PCDH15: variants seen among roughly 807,000 people sequenced by gnomAD.
PCDH15 encodes protocadherin-15.
PCDH15 carries 129 observed loss-of-function variants against 178.5 expected under a neutral mutation model. The ratio of observed to expected loss-of-function variants is 0.72; its 90% CI spans 0.63 to 0.84. PCDH15 has a LOEUF of 0.84. Among genes scored for constraint, PCDH15 ranks in the 40% least tolerant of loss-of-function variants. The probability of loss-of-function intolerance (pLI) is 0.00; values close to 1 mark genes in which losing one functional copy is unlikely to be tolerated. For synonymous variants in PCDH15, 800 were observed against 732.0 expected, an observed-to-expected ratio of 1.09 and a Z score of -1.50; for missense variants, 2,230 against 2,099.9, an observed-to-expected ratio of 1.06 and a Z score of -1.21.
chr10:55,493,463 G>A (rs943173163), intron 2 of PCDH15, among the ~76,000 whole-genome samples: 1 of 151,374 alleles, frequency 6.6e-6, no homozygotes, highest in African/African-American at 2.4e-5. Flanking sequence ...AATTGATTGA[G>A]CCCAGGAGGT....
At chr10:54,418,027 G>A (rs1285626905) in intron 3 of PCDH15, among the ~76,000 whole-genome samples, 2 of 152,154 alleles carry the variant, frequency 1.3e-5, no homozygotes, top group Non-Finnish European at 2.9e-5. Flanking sequence ...ATCTGGTTTA[G>A]CATTCTGAGT....
At chr10:54,761,683 AAAAACAAAACAAAACAAAAC>A (rs71014416) in intron 1 of PCDH15, among the ~76,000 whole-genome samples, 16 of 150,058 alleles carry the variant, frequency 1.1e-4, no homozygotes, top group African/African-American at 3.5e-4. Flanking sequence ...ACTCTGTCTC[AAAAACAAAACAAAACAAAAC>A]AAAACAAAAC....
chr10:54,253,063 G>GA (rs2056621268), intron 8 of PCDH15, among the ~76,000 whole-genome samples: 1 of 151,858 alleles, frequency 6.6e-6, no homozygotes, highest in Non-Finnish European at 1.5e-5. Context: ...TGGGAGATAG[G>GA]AAAATCCAAA....
chr10:54,138,298 G>A (rs193020624), intron 14 of PCDH15, among the ~76,000 whole-genome samples: 4 of 151,938 alleles, frequency 2.6e-5, no homozygotes, highest in East Asian at 1.9e-4. Flanking sequence ...TAGACAGTGG[G>A]ATTGGCTCCT....
chr10:54,067,631 C>T (rs974775329), intron 17 of PCDH15, among the ~76,000 whole-genome samples: 3 of 152,122 alleles, frequency 2.0e-5, no homozygotes, highest in Non-Finnish European at 2.9e-5. Flanking sequence ...GAGTACAGCA[C>T]AGAACCTCTA....
chr10:54,597,355 A>C (rs1309355480), intron 2 of PCDH15, among the ~76,000 whole-genome samples: 1 of 152,132 alleles, frequency 6.6e-6, no homozygotes, highest in Non-Finnish European at 1.5e-5. Flanking sequence ...CTTTTGGGTA[A>C]ATAATGAAAT....
At chr10:54,005,343 C>A (rs1485672643) in intron 20 of PCDH15, among the ~76,000 whole-genome samples, 1 of 142,206 alleles carries the variant, frequency 7.0e-6, no homozygotes, top group Non-Finnish European at 1.5e-5. Flanking sequence ...TTCTGCACAT[C>A]AAAGGAAAGA....
At chr10:55,489,884 A>G (rs1455331500) in intron 2 of PCDH15, among the ~76,000 whole-genome samples, 1 of 151,682 alleles carries the variant, frequency 6.6e-6, no homozygotes, top group Non-Finnish European at 1.5e-5. Context: ...CCCCAATGTA[A>G]AAGAAATTAA....
At chr10:54,757,958 C>G (rs868476658) in intron 1 of PCDH15, among the ~76,000 whole-genome samples, 5 of 152,116 alleles carry the variant, frequency 3.3e-5, no homozygotes, top group Admixed American at 6.5e-5. Context: ...CACTGTAAGA[C>G]CCTTCATTGC....
At chr10:54,358,605 A>G (rs1945443810) in intron 5 of PCDH15, among the ~76,000 whole-genome samples, 1 of 151,564 alleles carries the variant, frequency 6.6e-6, no homozygotes, top group Non-Finnish European at 1.5e-5. Context: ...CAGTGTGGCG[A>G]TTCCTCAGGG....
At chr10:54,701,404 C>A (rs1430173876) in intron 1 of PCDH15, among the ~76,000 whole-genome samples, 2 of 152,062 alleles carry the variant, frequency 1.3e-5, no homozygotes, top group African/African-American at 2.4e-5. Context: ...ATCAAGTCTG[C>A]ATAATGGCCA....
intron 3 of PCDH15, among the ~76,000 whole-genome samples, chr10:54,433,553 G>A (rs2075158752): frequency 1.3e-5 from 2 of 152,124 alleles, no homozygotes; most frequent in Non-Finnish European, 2.9e-5. Flanking sequence ...AGCCTTGGAA[G>A]GGTAGTTGGG....
intron 19 of PCDH15, among the ~76,000 whole-genome samples, chr10:54,022,589 T>C (rs916445301): frequency 2.6e-5 from 4 of 152,082 alleles, no homozygotes; most frequent in Admixed American, 6.6e-5. Context: ...AACTATTGTA[T>C]TGTCAACTGT....
At chr10:55,249,784 T>C (rs915172237) in intron 1 of PCDH15, among the ~76,000 whole-genome samples, 19 of 151,958 alleles carry the variant, frequency 1.3e-4, no homozygotes, top group Admixed American at 8.5e-4. Flanking sequence ...ATCATATATA[T>C]AAAGAACAAG....
intron 2 of PCDH15, among the ~76,000 whole-genome samples, chr10:55,069,136 C>T (rs1841648736): frequency 6.6e-6 from 1 of 151,004 alleles, no homozygotes; most frequent in African/African-American, 2.4e-5. Context: ...GAACTCCTGT[C>T]CTGATGTGAT....
intron 2 of PCDH15, among the ~76,000 whole-genome samples, chr10:54,544,055 C>A (rs2085560985): frequency 6.6e-6 from 1 of 152,134 alleles, no homozygotes; most frequent in Admixed American, 6.5e-5. Context: ...CTCCACATTT[C>A]TATTTTGACT....
intron 5 of PCDH15, among the ~76,000 whole-genome samples, chr10:54,347,850 T>TTTATTTATTTAC (rs1158469184): frequency 5.9e-5 from 9 of 151,994 alleles, no homozygotes; most frequent in African/African-American, 2.2e-4. Flanking sequence ...ATTTTTATTA[T>TTTATTTATTTAC]TTATTTATTT....
At chr10:54,442,181 G>A (rs928883178) in intron 3 of PCDH15, among the ~76,000 whole-genome samples, 1 of 150,758 alleles carries the variant, frequency 6.6e-6, no homozygotes, top group Non-Finnish European at 1.5e-5. Context: ...GCAACTTCTG[G>A]GAGGTGGTAT....
At chr10:55,035,546 C>T (rs146478472) in intron 2 of PCDH15, among the ~76,000 whole-genome samples, 4 of 152,196 alleles carry the variant, frequency 2.6e-5, no homozygotes, top group East Asian at 1.9e-4. Context: ...TGCATCACAG[C>T]GTAATAAAGT....
Sources: allele counts gnomAD v4.1 joint callset (sites outside exome capture counted in the v4.1 genomes callset), GRCh38; gene constraint gnomAD v4.1.1; transcripts MANE v1.5; gene names NCBI Gene and HGNC (gene_info 2026-07-23, HGNC 2026-07-21).